Variants in FAM228B observed in about 807,000 individuals in gnomAD.
FAM228B encodes protein FAM228B.
In FAM228B, 38 loss-of-function variants were observed where a neutral mutation model predicts 42.6. The observed-to-expected ratio is 0.89, with a 90% CI of 0.69 to 1.17. FAM228B has a LOEUF of 1.17. Among genes scored for constraint, FAM228B ranks in the 50% most tolerant of loss-of-function variants. The pLI, the probability that FAM228B is intolerant of heterozygous loss-of-function variation, is 0.00. For synonymous variants in FAM228B, 109 were observed against 122.3 expected, an observed-to-expected ratio of 0.89 and a Z score of 0.72; for missense variants, 344 against 367.3, an observed-to-expected ratio of 0.94 and a Z score of 0.52.
At chr2:24,093,726 C>CT (rs550729135) in intron 2 of FAM228B, among the ~76,000 whole-genome samples, 67 of 151,904 alleles carry the variant, frequency 4.4e-4, no homozygotes, top group African/African-American at 1.6e-3. Context: ...AGCGATTCTC[C>CT]TGCCTTAGCC....
chr2:24,104,988 G>GCTT (rs3832079), intron 3 of FAM228B, among the ~76,000 whole-genome samples: 47,009 of 152,080 alleles, frequency 0.31, 7,635 homozygotes, highest in South Asian at 0.43. Context: ...ACCTGCCAGA[G>GCTT]CTGGCCCAGT....
At chr2:24,167,985 CTG>C in intron 10 of FAM228B, 1 of 320,334 alleles carries the variant, frequency 3.1e-6, no homozygotes, top group Non-Finnish European at 6.1e-6. Flanking sequence ...TTGCTTAGGA[CTG>C]TCTCTGGCTC....
intron 2 of FAM228B, among the ~76,000 whole-genome samples, chr2:24,090,445 G>T (rs1268230208): frequency 1.3e-5 from 2 of 151,292 alleles, no homozygotes; most frequent in African/African-American, 4.9e-5. Context: ...TTAGCTGGGC[G>T]TGGTGGTGCA....
chr2:24,138,668 T>C (rs1292041487), intron 4 of FAM228B, among the ~76,000 whole-genome samples: 1 of 150,526 alleles, frequency 6.6e-6, no homozygotes, highest in African/African-American at 2.4e-5. Context: ...AATTATCAAG[T>C]TAAAAAATGT....
intron 3 of FAM228B, among the ~76,000 whole-genome samples, chr2:24,099,505 A>T (rs1665565204): frequency 6.6e-6 from 1 of 152,058 alleles, no homozygotes; most frequent in African/African-American, 2.4e-5. Flanking sequence ...TTATGAGTGA[A>T]CTCCCAGTCA....
intron 3 of FAM228B, among the ~76,000 whole-genome samples, chr2:24,103,444 C>A (rs1280171688): frequency 6.6e-6 from 1 of 152,300 alleles, no homozygotes; most frequent in East Asian, 1.9e-4. Context: ...ACCTCTGTTA[C>A]AAAAGATTGC....
At chr2:24,144,072 G>A (rs188345444) in intron 5 of FAM228B, among the ~76,000 whole-genome samples, 75 of 152,122 alleles carry the variant, frequency 4.9e-4, no homozygotes, top group African/African-American at 1.8e-3. Context: ...GTGCTTGTCA[G>A]TAGAGATAGG....
chr2:24,152,588 G>A (rs1252540886), intron 7 of FAM228B, among the ~76,000 whole-genome samples: 1 of 152,182 alleles, frequency 6.6e-6, no homozygotes, highest in Non-Finnish European at 1.5e-5. Flanking sequence ...TGGTTACTAG[G>A]CAGAGACTCC....
rs548264853 is a variant in FAM228B at position 24,132,464 on chromosome 2, G to GTTTTTTT, written c.100-2635_100-2629dup. ...CATGAATCCCTCTGGTCCTGGGATT[G>GTTTTTTT]TTTTTTTTTTTTTTTTTTTTTTTTT... On this transcript the variant is annotated intron_variant, in intron 2 of 10. Coordinates refer to ENST00000615575, the MANE Select transcript of FAM228B (RefSeq NM_001145710.2). 6.8e-4 allele frequency among the ~76,000 whole-genome samples: 38 copies of GTTTTTTT among 56,004 alleles called. 2 individuals are homozygous for GTTTTTTT. The highest frequency in any genetic ancestry group is 8.6e-4 in the Non-Finnish European group (24 of 27,858). The allele number at this position is 56,004 out of a possible 152,430, so 36.7% of individuals were successfully genotyped here.
chr2:24,126,813 G>C (rs1269693329), intron 2 of FAM228B, among the ~76,000 whole-genome samples: 3 of 33,890 alleles, frequency 8.9e-5, no homozygotes, highest in Non-Finnish European at 1.6e-4. Context: ...AAAAAGTAGA[G>C]AGGGGTTTCA....
intron 3 of FAM228B, among the ~76,000 whole-genome samples, chr2:24,104,547 C>G (rs778520568): frequency 6.6e-6 from 1 of 152,108 alleles, no homozygotes; most frequent in Non-Finnish European, 1.5e-5. Context: ...GGTAGCCAGG[C>G]GGGCAACACC....
chr2:24,166,054 A>AAAAAAATATATAT (rs56146407), intron 9 of FAM228B: 15 of 81,050 alleles, frequency 1.9e-4, no homozygotes, highest in South Asian at 1.5e-3. Context: ...AAAAAAAAAA[A>AAAAAAATATATAT]ATATATATAT....
intron 2 of FAM228B, among the ~76,000 whole-genome samples, chr2:24,124,887 A>G (rs1666267493): frequency 6.6e-6 from 1 of 152,160 alleles, no homozygotes; most frequent in African/African-American, 2.4e-5. Context: ...TAGAGATACA[A>G]AAAATCTCTA....
intron 2 of FAM228B, chr2:24,083,006 C>T: frequency 1.2e-6 from 2 of 1,614,162 alleles, no homozygotes; most frequent in Non-Finnish European, 1.7e-6. Context: ...CGTACTGAGC[C>T]TGGCCCCCAC....
intron 3 of FAM228B, among the ~76,000 whole-genome samples, chr2:24,112,987 A>C (rs1388264209): frequency 2.0e-5 from 3 of 149,726 alleles, no homozygotes; most frequent in Non-Finnish European, 3.0e-5. Flanking sequence ...CAGGTTCCTG[A>C]AGACACAGTT....
Position 24,084,492 on chromosome 2 carries a change from C to T in FAM228B, c.-210+3537C>T. The T allele has an allele frequency of 1.1e-6, 1 of 919,168 alleles. No homozygotes were observed. The highest frequency in any genetic ancestry group is 1.8e-5 in the African/African-American group (1 of 57,026). The allele number at this position is 919,168 out of a possible 1,614,324, so 56.9% of individuals were successfully genotyped here. On this transcript the variant is annotated intron_variant, in intron 2 of 10. Transcript: ENST00000613899. The surrounding 1 kb of genome is among the most constrained non-coding windows in gnomAD (Gnocchi z 8.4). ...GCGCCCCCTGCCGGCCAGCGCCTCG[C>T]TGCCCTGGTCTGCCGCGGACCCGGC...
chr2:24,084,038 C>T lies in FAM228B; in HGVS notation c.-210+3083C>T. 1.6e-6 allele frequency: 2 copies of T among 1,248,132 alleles called. No homozygotes were observed. Among genetic ancestry groups the T allele is most frequent in the Non-Finnish European group, 1.1e-6 (1 of 933,372 alleles). 77.3% of individuals were successfully genotyped at this position (1,248,132 alleles called of 1,614,324 possible). On this transcript the variant is annotated intron_variant, in intron 2 of 10. Coordinates refer to the FAM228B transcript ENST00000613899. The surrounding 1 kb of genome is among the most constrained non-coding windows in gnomAD (Gnocchi z 8.4). ...CCTTGTTTTGCATGAACAAAGAGGG[C>T]GCCCTGGGTTTAGGTCTGGGAAGCC...
intron 3 of FAM228B, 82 bp downstream of exon 3, chr2:24,135,269 C>T (rs2151017924): frequency 1.3e-6 from 1 of 763,566 alleles, no homozygotes; most frequent in African/African-American, 1.8e-5. Flanking sequence ...TCTATAAAAA[C>T]TATTTAGAAA....
intron 9 of FAM228B, chr2:24,165,609 G>C: frequency 2.8e-6 from 1 of 356,976 alleles, no homozygotes; most frequent in Non-Finnish European, 5.6e-6. Context: ...AAGACATTTA[G>C]AACCTGGATT....
Sources: gnomAD v4.1 joint callset for allele counts (sites outside exome capture counted in the v4.1 genomes callset) on GRCh38, gnomAD v4.1.1 for gene constraint, Gnocchi (gnomAD v3.1) non-coding constraint, MANE v1.5 for transcripts, NCBI Gene and HGNC (gene_info 2026-07-23, HGNC 2026-07-21) for gene names.